Variants in PLP1 observed in about 807,000 individuals in gnomAD.
PLP1 encodes myelin proteolipid protein.
In PLP1, 2 loss-of-function variants were observed where a neutral mutation model predicts 18.5. That is an observed-to-expected ratio of 0.11 (90% CI 0.04 to 0.34). PLP1 has a LOEUF of 0.34. PLP1 is among the 10% of genes least tolerant of loss of function. PLP1 has a pLI of 1.00. For missense variants in PLP1, 105 were observed against 207.3 expected, an observed-to-expected ratio of 0.51 and a Z score of 3.03; for synonymous variants, 86 against 83.2, an observed-to-expected ratio of 1.03 and a Z score of -0.19.
chrX:103,780,073 T>C (rs1276241704), intron 1 of PLP1: 1 of 112,966 alleles, frequency 8.9e-6, no homozygotes, highest in Non-Finnish European at 1.9e-5. Flanking sequence ...GCTCAGCAAG[T>C]ACTGATTGAT....
In PLP1 at chrX:103,776,966, G is replaced by A. The variant is rs756986379; in HGVS notation, c.-30G>A. The A allele has an allele frequency of 5.8e-6, 7 of 1,199,158 alleles. No individual in the cohort carries two copies. Among genetic ancestry groups the A allele is most frequent in the Admixed American group, 4.4e-5 (2 of 45,741 alleles). On this transcript the variant is annotated 5_prime_UTR_variant, in exon 1 of 7. Transcript: ENST00000621218. Reference sequence around the variant, plus strand: ...CAGCCACAAAGCAGACTAGCCAGCCGGCTACAATTGGAGTCAGAGTCCCAA... The same window carrying A: ...CAGCCACAAAGCAGACTAGCCAGCCAGCTACAATTGGAGTCAGAGTCCCAA...
chrX:103,789,924 G>A (rs1036132969), intron 6 of PLP1, among the ~76,000 whole-genome samples: 1 of 112,122 alleles, frequency 8.9e-6, no homozygotes, highest in Admixed American at 9.4e-5. Context: ...AGGTCTTGCT[G>A]ATAGTGCTAC....
intron 1 of PLP1, chrX:103,780,923 G>T (rs1430942249): frequency 7.9e-6 from 1 of 127,351 alleles, no homozygotes; most frequent in Non-Finnish European, 1.6e-5. Flanking sequence ...AAGGTTAAGG[G>T]GTGGGTTCTG....
In PLP1 at chrX:103,790,693, C is replaced by A; in HGVS notation, c.*95C>A. On this transcript the variant is annotated 3_prime_UTR_variant, in exon 7 of 7. Coordinates refer to ENST00000621218, the MANE Select transcript of PLP1 (RefSeq NM_000533.5). ...CATCTTAACTCTTTGCCTTTGCCAC[C>A]AACTGGCCCTCTTCTTACTTGATGA... 1 of 649,217 alleles carries A rather than the reference C, an allele frequency of 1.5e-6. No homozygotes were observed. The highest frequency in any genetic ancestry group is 2.6e-6 in the Non-Finnish European group (1 of 382,723). The allele number at this position is 649,217 out of a possible 1,213,427, so 53.5% of individuals were successfully genotyped here.
At chrX:103,778,429 T>C (rs1423231325) in intron 1 of PLP1, among the ~76,000 whole-genome samples, 1 of 111,984 alleles carries the variant, frequency 8.9e-6, no homozygotes, top group Non-Finnish European at 1.9e-5. Context: ...TTGGAGGAAC[T>C]CAATTCCTGC....
intron 6 of PLP1, among the ~76,000 whole-genome samples, chrX:103,790,281 T>C (rs906764431): frequency 2.7e-5 from 3 of 112,692 alleles, no homozygotes; most frequent in African/African-American, 9.7e-5. Context: ...AGGTGTGGAA[T>C]AAATCTTTAT....
intron 1 of PLP1, among the ~76,000 whole-genome samples, chrX:103,782,861 A>C: frequency 8.9e-6 from 1 of 112,137 alleles, no homozygotes; most frequent in South Asian, 3.7e-4. Context: ...GGAAAGAACA[A>C]GGCTTCTTTG....
intron 1 of PLP1, among the ~76,000 whole-genome samples, chrX:103,783,628 C>T (rs965580543): frequency 8.9e-6 from 1 of 111,983 alleles, no homozygotes; most frequent in Non-Finnish European, 1.9e-5. Flanking sequence ...TCTGTTCACA[C>T]TGATGCAATT....
intron 1 of PLP1, among the ~76,000 whole-genome samples, chrX:103,783,599 A>G (rs2074471669): frequency 8.9e-6 from 1 of 111,975 alleles, no homozygotes; most frequent in African/African-American, 3.3e-5. Context: ...CATGACAGAG[A>G]TAATTTGATC....
chrX:103,782,447 G>T (rs1347509461), intron 1 of PLP1, among the ~76,000 whole-genome samples: 3 of 111,759 alleles, frequency 2.7e-5, no homozygotes, highest in African/African-American at 6.5e-5. Context: ...ACTCAGAATT[G>T]CTCCTAAGGC....
chrX:103,787,079 T>C (rs2074503591), intron 3 of PLP1: 3 of 245,986 alleles, frequency 1.2e-5, no homozygotes, highest in Non-Finnish European at 2.2e-5. Flanking sequence ...AAAATGCTGC[T>C]CATGTGATTG....
intron 6 of PLP1, among the ~76,000 whole-genome samples, chrX:103,789,898 T>C (rs1337265278): frequency 1.8e-5 from 2 of 112,078 alleles, no homozygotes; most frequent in Non-Finnish European, 3.8e-5. Context: ...ATGATTATAA[T>C]ACAATGCTAT....
At chrX:103,785,936 C>T in intron 2 of PLP1, 168 bp downstream of exon 2, 1 of 702,048 alleles carries the variant, frequency 1.4e-6, no homozygotes, top group Non-Finnish European at 2.1e-6. Context: ...ATTCGAAGCC[C>T]ATTCAGAAAG....
intron 2 of PLP1, chrX:103,786,075 G>A: frequency 9.5e-7 from 1 of 1,053,740 alleles, no homozygotes; most frequent in African/African-American, 1.9e-5. Flanking sequence ...TAGGTATGGA[G>A]AAGCCAAGGG....
intron 5 of PLP1, 104 bp downstream of exon 5, chrX:103,788,614 T>C: frequency 1.4e-6 from 1 of 693,635 alleles, no homozygotes; most frequent in Non-Finnish European, 2.4e-6. Flanking sequence ...TTTGCTGGAT[T>C]TTGAATTAGC....
chrX:103,790,418 C>T, intron 6 of PLP1, 109 bp from the exon 7 acceptor site: 1 of 635,941 alleles, frequency 1.6e-6, no homozygotes. Context: ...GGGTTTTTCC[C>T]TTATTTAGTT....
chrX:103,784,525 C>T (rs763086257), intron 1 of PLP1, among the ~76,000 whole-genome samples: 5 of 111,919 alleles, frequency 4.5e-5, no homozygotes, highest in Non-Finnish European at 9.4e-5. Context: ...TAGCTCCATC[C>T]TGTTTGGACT....
intron 5 of PLP1, 186 bp downstream of exon 5, chrX:103,788,696 C>A: frequency 2.1e-6 from 1 of 473,844 alleles, no homozygotes. Flanking sequence ...CACCTGTTTT[C>A]TCTAGAGTTG....
rs1389666538 is a variant in PLP1, at chrX:103,790,556, C to T, written c.792C>T (p.Asn264=). The change falls in exon 7 of 7, where the codon AAC becomes AAT. Residue 264 remains asparagine (N), a synonymous_variant. Coordinates refer to ENST00000621218, the MANE Select transcript of PLP1 (RefSeq NM_000533.5). ...LLTFMIAATY[N]FAVLKLMGRG... ...CCTTCATGATTGCTGCCACTTACAACTTTGCCGTCCTTAAACTCATGGGCC... is the reference window on the plus strand; with the variant it reads ...CCTTCATGATTGCTGCCACTTACAATTTTGCCGTCCTTAAACTCATGGGCC... 8.3e-7 allele frequency: 1 copy of T among 1,208,826 alleles called. No individual in the cohort carries two copies. The highest frequency in any genetic ancestry group is 2.2e-5 in the Admixed American group (1 of 46,036).
Sources: gnomAD v4.1 joint callset for allele counts (sites outside exome capture counted in the v4.1 genomes callset) on GRCh38, gnomAD v4.1.1 for gene constraint, MANE v1.5 for transcripts, NCBI Gene and HGNC (gene_info 2026-07-23, HGNC 2026-07-21) for gene names.